CRYBG2: variants seen among roughly 807,000 people sequenced by gnomAD.
CRYBG2 encodes crystallin beta-gamma domain containing 2.
A neutral mutation model predicts 153.4 loss-of-function variants in CRYBG2; 106 were observed. That is an observed-to-expected ratio of 0.69 (90% CI 0.59 to 0.81). CRYBG2 has a LOEUF of 0.81. CRYBG2 is among the 30% of genes least tolerant of loss of function. CRYBG2 has a pLI of 0.00. For synonymous variants in CRYBG2, 851 were observed against 877.8 expected, an observed-to-expected ratio of 0.97 and a Z score of 0.54; for missense variants, 1,996 against 2,112.0, an observed-to-expected ratio of 0.95 and a Z score of 1.08.
chr1:26,352,866 C>G (rs900514701), intron 1 of CRYBG2, among the ~76,000 whole-genome samples: 2 of 151,688 alleles, frequency 1.3e-5, no homozygotes, highest in Non-Finnish European at 2.9e-5. Flanking sequence ...TCAGAGCCAG[C>G]CTGGGTCCTA....
intron 1 of CRYBG2, among the ~76,000 whole-genome samples, chr1:26,350,132 G>C (rs2074271090): frequency 6.6e-6 from 1 of 152,068 alleles, no homozygotes; most frequent in African/African-American, 2.4e-5. Flanking sequence ...TGGTTTTATA[G>C]GAAGAGGAAG....
rs1215839121 is a variant in CRYBG2, at chr1:26,339,375, G to C, written c.3259C>G (p.Gln1087Glu). The C allele has an allele frequency of 6.2e-7, 1 of 1,614,226 alleles. No individual in the cohort carries two copies. Among genetic ancestry groups the C allele is most frequent in the South Asian group, 1.1e-5 (1 of 91,084 alleles). ...LFSEEGLKGEQVKLTEALKNS... is the reference protein window; with the variant it reads ...LFSEEGLKGEEVKLTEALKNS... Reference sequence around the variant, plus strand: ...TTCAAGGCCTCTGTTAGCTTCACTTGCTCCCCCTTGAGGCCCTCCTCAGAG... The same window carrying C: ...TTCAAGGCCTCTGTTAGCTTCACTTCCTCCCCCTTGAGGCCCTCCTCAGAG... Residue 1087 changes from glutamine (Q) to glutamate (E), a missense_variant, in exon 6 of 20, where the codon CAA becomes GAA. Coordinates refer to ENST00000308182, the MANE Select transcript of CRYBG2 (RefSeq NM_001039775.4).
At chr1:26,327,817 C>A (rs542236839) in intron 17 of CRYBG2, among the ~76,000 whole-genome samples, 1 of 151,788 alleles carries the variant, frequency 6.6e-6, no homozygotes, top group Non-Finnish European at 1.5e-5. Flanking sequence ...CGTGGTAGCA[C>A]GTGCCTGTGG....
intron 14 of CRYBG2, among the ~76,000 whole-genome samples, chr1:26,332,013 TTA>T (rs2074002021): frequency 6.6e-6 from 1 of 151,912 alleles, no homozygotes; most frequent in Admixed American, 6.6e-5. Flanking sequence ...GCTGAATAAA[TTA>T]AGAAAAAGTG....
Position 26,337,366 on chromosome 1 carries a change from C to T in CRYBG2, c.3658G>A (p.Glu1220Lys), listed in dbSNP as rs554070457. 8 of 1,613,650 alleles carry T rather than the reference C, an allele frequency of 5.0e-6. No individual in the cohort carries two copies. Among genetic ancestry groups the T allele is most frequent in the Middle Eastern group, 1.7e-4 (1 of 6,054 alleles). ...RVLGGCWVGY[E>K]KEGFRGHQYL... ...TGGTGGCCCCGGAAGCCCTCCTTCT[C>T]GTAGCCCACCCAGCTGGGAAAAGCA... Residue 1220 changes from glutamate to lysine, a missense_variant, in exon 10 of 20, where the codon GAG (glutamate) becomes AAG (lysine). By Grantham distance (56) the Glu-to-Lys change is moderately conservative. Transcript: ENST00000308182.
chr1:26,351,773 C>A (rs1001002032), intron 1 of CRYBG2, among the ~76,000 whole-genome samples: 1 of 152,152 alleles, frequency 6.6e-6, no homozygotes, highest in Non-Finnish European at 1.5e-5. Context: ...GGTCACCACT[C>A]GACAGTTCAC....
rs747344797 is a variant in CRYBG2, at chr1:26,336,527, C to T, written c.4038+79G>A. On this transcript the variant is annotated intron_variant, in intron 12 of 19. Transcript: ENST00000308182. The surrounding 1 kb of genome is among the most constrained non-coding windows in gnomAD (Gnocchi z 4.9). ...CCCAGGCAGGTCCTCCAGCCCGCTA[C>T]CTCTGCGTGGGGGCGGGGCGCACCC... 7.8e-6 allele frequency: 12 copies of T among 1,543,448 alleles called. No individual in the cohort carries two copies. The highest frequency in any genetic ancestry group is 4.8e-5 in the South Asian group (4 of 83,488).
rs1383525763 is a variant in CRYBG2 at position 26,346,418 on chromosome 1, GC to G, written c.239del (p.Gly80AlafsTer35). The G allele has an allele frequency of 6.2e-7, 1 of 1,600,816 alleles. No individual in the cohort carries two copies. Among genetic ancestry groups the G allele is most frequent in the Admixed American group, 1.7e-5 (1 of 59,954 alleles). Reference protein sequence around the residue: ...TQEEETVNCQGPRDTAGSKNF... With the variant: ...TQEEETVNCQXPRDTAGSKNF... ...TCTTGGAGCCAGCTGTATCCCGAGG[GC>G]CCTGGCAATTCACAGTCTCTTCTTC... is the stretch of plus-strand genomic sequence containing the variant. On this transcript the variant is annotated frameshift_variant, in exon 2 of 20. Coordinates refer to ENST00000308182, the MANE Select transcript of CRYBG2 (RefSeq NM_001039775.4). LOFTEE classifies it high-confidence loss of function. The surrounding 1 kb of genome is among the most constrained non-coding windows in gnomAD (Gnocchi z 4.9).
Position 26,343,885 on chromosome 1 carries a change from G to A in CRYBG2, c.2773C>T (p.Pro925Ser). 1 of 1,522,736 alleles carries A rather than the reference G, an allele frequency of 6.6e-7. No individual in the cohort carries two copies. Among genetic ancestry groups the A allele is most frequent in the Non-Finnish European group, 8.8e-7 (1 of 1,132,598 alleles). 94.3% of individuals were successfully genotyped at this position (1,522,736 alleles called of 1,614,324 possible). A position where few individuals can be genotyped will look rare whatever the true frequency, so the allele number is the denominator to read the frequency against. ...PTAKEASTPE[P>S]LGTKLSALLP... ...AGAGCAGATAGTTTTGTGCCCAGCG[G>A]TTCCGGGGTGGAGGCCTCCTTGGCG... The change falls in exon 2 of 20, where the codon CCG becomes TCG. Residue 925 changes from proline (P) to serine (S), a missense_variant. By Grantham distance (74) the Pro-to-Ser change is moderately conservative. Transcript: ENST00000308182. The surrounding 1 kb of genome is among the most constrained non-coding windows in gnomAD (Gnocchi z 4.1).
chr1:26,337,820 C>T (rs895787459), intron 8 of CRYBG2, 146 bp from the exon 9 acceptor site: 16 of 1,332,682 alleles, frequency 1.2e-5, no homozygotes, highest in Non-Finnish European at 1.5e-5. Flanking sequence ...CAATTCCTAT[C>T]TCTACTCTGA....
At chr1:26,351,018 A>T (rs962227062) in intron 1 of CRYBG2, among the ~76,000 whole-genome samples, 1 of 152,124 alleles carries the variant, frequency 6.6e-6, no homozygotes, top group African/African-American at 2.4e-5. Context: ...GGGAAGCCTG[A>T]CCTGACTCCA....
Position 26,339,296 on chromosome 1 carries a change from G to T in CRYBG2, c.3338C>A (p.Ala1113Glu). ...TAGAATAGACCAGACTCACAGTCCT[G>T]CAGAGACGGTGGCAGATGCCACCTG... ...PLQVASATVS[A>E]GLWLLYPKPL... The change falls in exon 6 of 20, where the codon GCA becomes GAA. Residue 1113 changes from alanine to glutamate, a missense_variant. Coordinates refer to ENST00000308182, the MANE Select transcript of CRYBG2 (RefSeq NM_001039775.4). 1.9e-6 allele frequency: 3 copies of T among 1,613,736 alleles called. No homozygotes were observed. Among genetic ancestry groups the T allele is most frequent in the Non-Finnish European group, 2.5e-6 (3 of 1,179,876 alleles).
At chr1:26,334,445 C>T (rs2074030955) in intron 14 of CRYBG2, among the ~76,000 whole-genome samples, 1 of 151,604 alleles carries the variant, frequency 6.6e-6, no homozygotes, top group Non-Finnish European at 1.5e-5. Context: ...AAAACAAATC[C>T]AGAAATAGAT....
intron 8 of CRYBG2, 118 bp downstream of exon 8, chr1:26,337,894 G>C: frequency 1.4e-6 from 2 of 1,403,434 alleles, no homozygotes; most frequent in South Asian, 2.7e-5. Flanking sequence ...CATCCCCCCA[G>C]ACCGTGCTTC....
chr1:26,345,496 G>A lies in CRYBG2; in HGVS notation c.1162C>T (p.Leu388=), dbSNP rs1182895949. The change falls in exon 2 of 20, where the codon CTG becomes TTG. Residue 388 remains leucine, a synonymous_variant. Coordinates refer to ENST00000308182, the MANE Select transcript of CRYBG2 (RefSeq NM_001039775.4). The stretch of plus-strand genomic sequence containing the variant: ...GGCCCGTCCTTTTTTTTAGGGGGCA[G>A]AACAAGGGGAGTGAGCCGGGCCCCG... ...HPGARLTPLV[L]PPKKKDGPVD... is the part of the protein sequence containing the mutation. 9 of 1,593,088 alleles carry A rather than the reference G, an allele frequency of 5.6e-6. No individual in the cohort carries two copies. Among genetic ancestry groups the A allele is most frequent in the East Asian group, 2.2e-5 (1 of 44,650 alleles).
At chr1:26,339,982 C>A (rs1325469087) in intron 5 of CRYBG2, among the ~76,000 whole-genome samples, 3 of 152,184 alleles carry the variant, frequency 2.0e-5, no homozygotes, top group Non-Finnish European at 4.4e-5. Context: ...CCCGGGAGAA[C>A]CTGCAAAGTG....
intron 1 of CRYBG2, among the ~76,000 whole-genome samples, chr1:26,351,993 G>A (rs961342054): frequency 3.3e-5 from 5 of 152,166 alleles, no homozygotes; most frequent in Non-Finnish European, 5.9e-5. Flanking sequence ...TGTTGGCAGC[G>A]TGACCTGTGA....
chr1:26,340,138 G>A (rs1042841237), intron 5 of CRYBG2, among the ~76,000 whole-genome samples: 5 of 152,186 alleles, frequency 3.3e-5, no homozygotes, highest in African/African-American at 9.7e-5. Flanking sequence ...TTGCCTGCAC[G>A]TCATCCCAGG....
chr1:26,350,626 A>AT (rs1289371323), intron 1 of CRYBG2, among the ~76,000 whole-genome samples: 5 of 152,128 alleles, frequency 3.3e-5, no homozygotes, highest in African/African-American at 1.2e-4. Flanking sequence ...AAACTCCCTA[A>AT]TATATGTATC....
Sources: allele counts gnomAD v4.1 joint callset (sites outside exome capture counted in the v4.1 genomes callset), GRCh38; gene constraint gnomAD v4.1.1; non-coding constraint Gnocchi (gnomAD v3.1); transcripts MANE v1.5; gene names NCBI Gene and HGNC (gene_info 2026-07-23, HGNC 2026-07-21).